Variants in CCDC71L observed in about 807,000 individuals in gnomAD.
CCDC71L encodes the protein coiled-coil domain containing 71 like.
CCDC71L carries 6 observed loss-of-function variants against 10.2 expected under a neutral mutation model. That is an observed-to-expected ratio of 0.59 (90% CI 0.32 to 1.16). The LOEUF is 1.16. Ranked by LOEUF, CCDC71L falls within the 50% of genes most tolerant of loss-of-function variation. CCDC71L has a pLI of 0.05. For missense variants in CCDC71L, 366 were observed against 383.4 expected (o/e 0.95, Z 0.38); for synonymous variants, 204 against 175.5 (o/e 1.16, Z -1.28).
Position 106,659,976 on chromosome 7 carries a change from G to T in CCDC71L, c.*213C>A. 2 of 606,712 alleles carry T rather than the reference G, an allele frequency of 3.3e-6. No individual in the cohort carries two copies. The highest frequency in any genetic ancestry group is 5.3e-6 in the Non-Finnish European group (2 of 380,738). The allele number at this position is 606,712 out of a possible 1,614,324, so 37.6% of individuals were successfully genotyped here. On this transcript the variant is annotated 3_prime_UTR_variant, in exon 1 of 1. Transcript: ENST00000523505. ...TCCCTCCGCAGGCCGGGTACGGGAG[G>T]CAGCAGAGGGCACACCTGCCCCAGC...
In CCDC71L at chr7:106,655,153, G is replaced by C. The variant is rs1273235108; in HGVS notation, c.*5036C>G. The stretch of plus-strand genomic sequence containing the variant: ...TAGAATGACATTTACCAAGACACAA[G>C]AGAGTGATGACAGTGAGAAGTCATT... On this transcript the variant is annotated 3_prime_UTR_variant, in exon 1 of 1. Coordinates refer to ENST00000523505, the MANE Select transcript of CCDC71L (RefSeq NM_175884.6). 6.6e-6 allele frequency among the ~76,000 whole-genome samples: 1 copy of C among 152,140 alleles called. No homozygotes were observed. The highest frequency in any genetic ancestry group is 2.4e-5 in the African/African-American group (1 of 41,436).
In CCDC71L at chr7:106,654,751, G is replaced by A. The variant is rs537624031; in HGVS notation, c.*5438C>T. Among the ~76,000 whole-genome samples, 10 of 152,008 alleles carry A rather than the reference G, an allele frequency of 6.6e-5. No individual in the cohort carries two copies. Among genetic ancestry groups the A allele is most frequent in the Admixed American group, 4.6e-4 (7 of 15,274 alleles). ...TGAGTGCTAGTTCCATGAGCCTATT[G>A]AATTTATGAAAATTCATCAAACTGT... On this transcript the variant is annotated 3_prime_UTR_variant, in exon 1 of 1. Transcript: ENST00000523505.
In CCDC71L at chr7:106,655,112, G is replaced by T. The variant is rs1299181295; in HGVS notation, c.*5077C>A. On this transcript the variant is annotated 3_prime_UTR_variant, in exon 1 of 1. Coordinates refer to ENST00000523505, the MANE Select transcript of CCDC71L (RefSeq NM_175884.6). ...ATTGGGCTTTAGATATGTTTATTAT[G>T]TTATAGATCATGGTTTAGAATGACA... Among the ~76,000 whole-genome samples, 3 of 152,078 alleles carry T rather than the reference G, an allele frequency of 2.0e-5. No individual in the cohort carries two copies. The highest frequency in any genetic ancestry group is 6.6e-5 in the Admixed American group (1 of 15,266).
Position 106,660,912 on chromosome 7 carries a change from G to A in CCDC71L, c.-16C>T, listed in dbSNP as rs1216993289. ...TGCGCCGCATCGAAGGCCGCTCCGG[G>A]CCACTCACGCTCGCCGGGTCCCACT... On this transcript the variant is annotated 5_prime_UTR_variant, in exon 1 of 1. Coordinates refer to ENST00000523505, the MANE Select transcript of CCDC71L (RefSeq NM_175884.6). This position sits in a 1 kb window ranked among gnomAD's most constrained non-coding sequence, Gnocchi z 7.5. 2 of 1,356,690 alleles carry A rather than the reference G, an allele frequency of 1.5e-6. No homozygotes were observed. Among genetic ancestry groups the A allele is most frequent in the Non-Finnish European group, 1.9e-6 (2 of 1,058,438 alleles). 84.0% of individuals were successfully genotyped at this position (1,356,690 alleles called of 1,614,324 possible).
In CCDC71L at chr7:106,657,924, G is replaced by C. The variant is rs1019618516; in HGVS notation, c.*2265C>G. The C allele has an allele frequency of 6.6e-6, 1 of 152,196 alleles. No homozygotes were observed. Among genetic ancestry groups the C allele is most frequent in the Admixed American group, 6.5e-5 (1 of 15,282 alleles). The allele number at this position is 152,196 out of a possible 1,614,324, so 9.4% of individuals were successfully genotyped here. A position where few individuals can be genotyped will look rare whatever the true frequency, so the allele number is the denominator to read the frequency against. On this transcript the variant is annotated 3_prime_UTR_variant, in exon 1 of 1. Transcript: ENST00000523505. Reference sequence around the variant, plus strand: ...ATAAATGAATGGTGTCAGTGGTTATGTTTCAGTGGTGTGCTGAGCAGTTAT... The same window carrying C: ...ATAAATGAATGGTGTCAGTGGTTATCTTTCAGTGGTGTGCTGAGCAGTTAT...
rs149964845 is a variant in CCDC71L at position 106,658,666 on chromosome 7, G to C, written c.*1523C>G. On this transcript the variant is annotated 3_prime_UTR_variant, in exon 1 of 1. Transcript: ENST00000523505. ...ACTACTTGACCCTTTAGGTATTGCAGTAAAAGCTGGCTGTGGCACTGCTGG... is the reference window on the plus strand; with the variant it reads ...ACTACTTGACCCTTTAGGTATTGCACTAAAAGCTGGCTGTGGCACTGCTGG... 6.5e-6 allele frequency: 1 copy of C among 152,736 alleles called. No homozygotes were observed. Among genetic ancestry groups the C allele is most frequent in the African/African-American group, 2.4e-5 (1 of 41,562 alleles). The allele number at this position is 152,736 out of a possible 1,614,324, so 9.5% of individuals were successfully genotyped here.
At position 106,660,890 on chromosome 7, in the gene CCDC71L, G is replaced by A. The variant is rs1316896066; in HGVS notation, c.7C>T (p.Arg3Cys). The A allele has an allele frequency of 8.5e-6, 12 of 1,410,518 alleles. No homozygotes were observed. In the East Asian group the frequency reaches 3.2e-4, roughly 38 times the overall value. The allele number at this position is 1,410,518 out of a possible 1,614,324, so 87.4% of individuals were successfully genotyped here. A position where few individuals can be genotyped will look rare whatever the true frequency, so the allele number is the denominator to read the frequency against. Residue 3 changes from arginine (R) to cysteine (C), a missense_variant, in exon 1 of 1, where the codon CGC (arginine) becomes TGC (cysteine). Physicochemically the swap from Arg to Cys is radical, Grantham distance 180. Transcript: ENST00000523505. The surrounding 1 kb of genome is among the most constrained non-coding windows in gnomAD (Gnocchi z 7.5). MR[R>C]SMKRRRRRRP... ...CGGCGCCGCCGCCTCTTCATACTGC[G>A]CCGCATCGAAGGCCGCTCCGGGCCA...
At position 106,655,405 on chromosome 7, in the gene CCDC71L, C is replaced by T. The variant is rs74355015; in HGVS notation, c.*4784G>A. On this transcript the variant is annotated 3_prime_UTR_variant, in exon 1 of 1. Coordinates refer to ENST00000523505, the MANE Select transcript of CCDC71L (RefSeq NM_175884.6). ...AATGAGTGTGTCAATGCTTCAAATACAAGATTTTTTTTACTTTCAGTAATA... is the reference window on the plus strand; with the variant it reads ...AATGAGTGTGTCAATGCTTCAAATATAAGATTTTTTTTACTTTCAGTAATA... Among the ~76,000 whole-genome samples the T allele has an allele frequency of 7.2e-5, 11 of 152,264 alleles. No homozygotes were observed. The East Asian group carries it at 1.7e-3, about 24-fold the overall frequency.
Position 106,661,133 on chromosome 7 carries a change from C to G in CCDC71L, c.-237G>C, listed in dbSNP as rs529581600. ...TGTCATTGGACGGCGCCTCGCCCCC[C>G]TGGTTTCTCTTTCTTCTCCTCTCTT... On this transcript the variant is annotated 5_prime_UTR_variant, in exon 1 of 1. Transcript: ENST00000523505. 2.2e-6 allele frequency: 1 copy of G among 463,994 alleles called. No individual in the cohort carries two copies. Among genetic ancestry groups the G allele is most frequent in the East Asian group, 3.9e-5 (1 of 25,762 alleles). The allele number at this position is 463,994 out of a possible 1,614,324, so 28.7% of individuals were successfully genotyped here. A position where few individuals can be genotyped will look rare whatever the true frequency, so the allele number is the denominator to read the frequency against.
chr7:106,656,056 A>G lies in CCDC71L; in HGVS notation c.*4133T>C, dbSNP rs10249990. On this transcript the variant is annotated 3_prime_UTR_variant, in exon 1 of 1. Coordinates refer to ENST00000523505, the MANE Select transcript of CCDC71L (RefSeq NM_175884.6). ...TAGTTATTAATCCTTATAATATCCC[A>G]ATAGTTTCTTTCACTAATCACATTT... Among the ~76,000 whole-genome samples the G allele has an allele frequency of 0.16, 23,930 of 152,148 alleles. 2,874 individuals carry two copies. Among genetic ancestry groups the G allele is most frequent in the African/African-American group, 0.33 (13,613 of 41,456 alleles).
Position 106,660,630 on chromosome 7 carries a change from G to A in CCDC71L, c.267C>T (p.Ser89=), listed in dbSNP as rs373458494. Residue 89 remains serine, a synonymous_variant, in exon 1 of 1, where the codon TCC becomes TCT. Transcript: ENST00000523505. This position sits in a 1 kb window ranked among gnomAD's most constrained non-coding sequence, Gnocchi z 7.5. ...CGTCCTTGCTGCGCAGGATGTGCGG[G>A]GAGAACTGGTGCTTGAGGCTGCAGA... ...SFLCSLKHQF[S]PHILRSKDVY... 14 of 1,590,344 alleles carry A rather than the reference G, an allele frequency of 8.8e-6. No homozygotes were observed. Among genetic ancestry groups the A allele is most frequent in the Admixed American group, 3.5e-5 (2 of 57,016 alleles).
rs1378522933 is a variant in CCDC71L, at chr7:106,661,050, G to A, written c.-154C>T. ...CCCTCCCCCTCCGAGGGCGGAGGAC[G>A]CGGGCGAATATCCTGCTGCCCGGTA... On this transcript the variant is annotated 5_prime_UTR_variant, in exon 1 of 1. Coordinates refer to ENST00000523505, the MANE Select transcript of CCDC71L (RefSeq NM_175884.6). The A allele has an allele frequency of 5.3e-6, 6 of 1,127,004 alleles. No homozygotes were observed. The highest frequency in any genetic ancestry group is 3.3e-5 in the East Asian group (1 of 30,124). The allele number at this position is 1,127,004 out of a possible 1,614,324, so 69.8% of individuals were successfully genotyped here. A position where few individuals can be genotyped will look rare whatever the true frequency, so the allele number is the denominator to read the frequency against.
In CCDC71L at chr7:106,660,544, C is replaced by G; in HGVS notation, c.353G>C (p.Arg118Pro). Residue 118 changes from arginine to proline, a missense_variant, in exon 1 of 1, where the codon CGC (arginine) becomes CCC (proline). Arg to Pro is a moderately radical substitution (Grantham distance 103). Transcript: ENST00000523505. The surrounding 1 kb of genome is among the most constrained non-coding windows in gnomAD (Gnocchi z 7.5). Reference protein sequence around the residue: ...VPDPPGPPTARGQARRPVPRA... With the variant: ...VPDPPGPPTAPGQARRPVPRA... ...CGGAACCGGCCGGCGCGCCTGGCCG[C>G]GGGCTGTAGGGGGCCCCGGGGGGTC... The G allele has an allele frequency of 5.4e-6, 8 of 1,480,468 alleles. No individual in the cohort carries two copies. Among genetic ancestry groups the G allele is most frequent in the Non-Finnish European group, 7.2e-6 (8 of 1,112,856 alleles). The allele number at this position is 1,480,468 out of a possible 1,614,324, so 91.7% of individuals were successfully genotyped here. A position where few individuals can be genotyped will look rare whatever the true frequency, so the allele number is the denominator to read the frequency against.
Position 106,655,780 on chromosome 7 carries a change from T to C in CCDC71L, c.*4409A>G, listed in dbSNP as rs1406212777. ...CTTAATCCAATCTCCTACTGCATAG[T>C]CAGCAAGCTAAAAAATTATATGATT... On this transcript the variant is annotated 3_prime_UTR_variant, in exon 1 of 1. Transcript: ENST00000523505. 2.6e-5 allele frequency among the ~76,000 whole-genome samples: 4 copies of C among 152,216 alleles called. No homozygotes were observed. Among genetic ancestry groups the C allele is most frequent in the Non-Finnish European group, 5.9e-5 (4 of 68,026 alleles).
Position 106,655,422 on chromosome 7 carries a change from T to C in CCDC71L, c.*4767A>G, listed in dbSNP as rs1792474426. ...TTCAAATACAAGATTTTTTTTACTT[T>C]CAGTAATAATTTTCTGGTGTTTCAA... On this transcript the variant is annotated 3_prime_UTR_variant, in exon 1 of 1. Coordinates refer to ENST00000523505, the MANE Select transcript of CCDC71L (RefSeq NM_175884.6). Among the ~76,000 whole-genome samples the C allele has an allele frequency of 6.6e-6, 1 of 152,202 alleles. No individual in the cohort carries two copies. Among genetic ancestry groups the C allele is most frequent in the Non-Finnish European group, 1.5e-5 (1 of 68,012 alleles).
In CCDC71L at chr7:106,659,037, C is replaced by A. The variant is rs950710456; in HGVS notation, c.*1152G>T. On this transcript the variant is annotated 3_prime_UTR_variant, in exon 1 of 1. Transcript: ENST00000523505. ...TAGATTTCGCCCAAAGTAACCTTAA[C>A]CAGTTATTTGATACCAAGAAATGCC... 2.0e-5 allele frequency: 3 copies of A among 152,128 alleles called. No homozygotes were observed. The highest frequency in any genetic ancestry group is 2.9e-5 in the Non-Finnish European group (2 of 68,022). The allele number at this position is 152,128 out of a possible 1,614,324, so 9.4% of individuals were successfully genotyped here.
chr7:106,659,858 C>A lies in CCDC71L; in HGVS notation c.*331G>T. The A allele has an allele frequency of 3.4e-6, 1 of 290,258 alleles. No individual in the cohort carries two copies. The highest frequency in any genetic ancestry group is 6.0e-5 in the East Asian group (1 of 16,762). 18.0% of individuals were successfully genotyped at this position (290,258 alleles called of 1,614,324 possible). A position where few individuals can be genotyped will look rare whatever the true frequency, so the allele number is the denominator to read the frequency against. On this transcript the variant is annotated 3_prime_UTR_variant, in exon 1 of 1. Coordinates refer to ENST00000523505, the MANE Select transcript of CCDC71L (RefSeq NM_175884.6). ...TCCAGACCAGTGAGGTAGAGTCCAA[C>A]AGTGAGAAAACGGATCTGCCCCTAA...
rs1638630815 is a variant in CCDC71L at position 106,659,264 on chromosome 7, G to A, written c.*925C>T. The A allele has an allele frequency of 6.6e-6, 1 of 152,076 alleles. No homozygotes were observed. Among genetic ancestry groups the A allele is most frequent in the Non-Finnish European group, 1.5e-5 (1 of 68,006 alleles). The allele number at this position is 152,076 out of a possible 1,614,324, so 9.4% of individuals were successfully genotyped here. A position where few individuals can be genotyped will look rare whatever the true frequency, so the allele number is the denominator to read the frequency against. ...TTCCTAGATTTGTATGTTAGACCAG[G>A]ACAGGGGGCCAAATCATCTCCAGTC... On this transcript the variant is annotated 3_prime_UTR_variant, in exon 1 of 1. Transcript: ENST00000523505.
rs1190487867 is a variant in CCDC71L, at chr7:106,660,426, G to A, written c.471C>T (p.Pro157=). 2.3e-5 allele frequency: 29 copies of A among 1,238,484 alleles called. No homozygotes were observed. The East Asian group carries it at 7.6e-4, about 33-fold the overall frequency. 76.7% of individuals were successfully genotyped at this position (1,238,484 alleles called of 1,614,324 possible). The change falls in exon 1 of 1, where the codon CCC becomes CCT. Residue 157 remains proline, a synonymous_variant. Transcript: ENST00000523505. The surrounding 1 kb of genome is among the most constrained non-coding windows in gnomAD (Gnocchi z 7.5). ...PRPPPPPPPP[P]EESCPAKPVA... is the part of the protein sequence containing the mutation. ...CGGGCTTGGCCGGGCAGCTCTCCTC[G>A]GGGGGCGGCGGCGGTGGGGGTGGCG...
Sources: gnomAD v4.1 joint callset for allele counts (sites outside exome capture counted in the v4.1 genomes callset) on GRCh38, gnomAD v4.1.1 for gene constraint, Gnocchi (gnomAD v3.1) non-coding constraint, MANE v1.5 for transcripts, NCBI Gene and HGNC (gene_info 2026-07-23, HGNC 2026-07-21) for gene names.